OS9: variants seen among roughly 807,000 people sequenced by gnomAD.
OS9 encodes the protein OS9 endoplasmic reticulum lectin, also known as protein OS-9.
OS9 carries 58 observed loss-of-function variants against 84.7 expected under a neutral mutation model. The observed-to-expected ratio is 0.68, with a 90% confidence interval of 0.55 to 0.85. OS9 has a LOEUF of 0.85. Among genes scored for constraint, OS9 ranks in the 40% least tolerant of loss-of-function variants. OS9 has a pLI of 0.00. For missense variants in OS9, 760 were observed against 850.9 expected, an observed-to-expected ratio of 0.89 and a Z score of 1.33; for synonymous variants, 278 against 320.8, an observed-to-expected ratio of 0.87 and a Z score of 1.43.
intron 5 of OS9, among the ~76,000 whole-genome samples, chr12:57,697,748 G>A (rs1485565299): frequency 1.3e-5 from 2 of 152,016 alleles, no homozygotes; most frequent in Non-Finnish European, 2.9e-5. Flanking sequence ...GAACCAGTGG[G>A]TCTCATTGTT....
intron 5 of OS9, among the ~76,000 whole-genome samples, chr12:57,713,287 C>A (rs952682377): frequency 1.3e-5 from 2 of 152,172 alleles, no homozygotes; most frequent in Non-Finnish European, 2.9e-5. Context: ...TGTATTCTTA[C>A]GGACTGCCTC....
At chr12:57,694,368 G>T in intron 1 of OS9, 45 bp downstream of exon 1, 1 of 1,602,568 alleles carries the variant, frequency 6.2e-7, no homozygotes, top group East Asian at 2.2e-5. Context: ...AAGAGGAAGC[G>T]GGTAAGAGAT....
intron 5 of OS9, among the ~76,000 whole-genome samples, chr12:57,697,744 G>A (rs1290125567): frequency 2.0e-5 from 3 of 152,142 alleles, no homozygotes; most frequent in Non-Finnish European, 4.4e-5. Context: ...CTTCGAACCA[G>A]TGGGTCTCAT....
At chr12:57,696,108 G>C in intron 4 of OS9, 70 bp downstream of exon 4, 1 of 1,319,654 alleles carries the variant, frequency 7.6e-7, no homozygotes, top group Non-Finnish European at 1.1e-6. Flanking sequence ...AAGAAGGGGA[G>C]GGTCAAGATT....
intron 5 of OS9, among the ~76,000 whole-genome samples, chr12:57,703,971 C>T (rs1210748717): frequency 6.6e-6 from 1 of 152,162 alleles, no homozygotes; most frequent in East Asian, 1.9e-4. Context: ...TTATCAATAA[C>T]TGAAGACATT....
intron 5 of OS9, 169 bp from the exon 6 acceptor site, chr12:57,715,591 G>A (rs1015679622): frequency 7.8e-6 from 4 of 511,288 alleles, no homozygotes; most frequent in South Asian, 3.3e-5. Context: ...AACCAATATC[G>A]CCTCACTGGG....
intron 2 of OS9, chr12:57,695,533 C>A (rs1169193759): frequency 1.6e-5 from 11 of 683,768 alleles, no homozygotes; most frequent in Non-Finnish European, 2.7e-6. Flanking sequence ...TTTAAAAAAT[C>A]TTTTAAAAGG....
Position 57,717,855 on chromosome 12 carries a change from A to G in OS9, c.1046-15A>G, listed in dbSNP as rs1343167440. On this transcript the variant is annotated splice_polypyrimidine_tract_variant and intron_variant, in intron 9 of 14. Transcript: ENST00000315970. ...ACAACAGAACAGGTTCATGATTATT[A>G]TTCTTTCATCTCAGATTTTCAGAAC... 6.9e-7 allele frequency: 1 copy of G among 1,440,754 alleles called. No homozygotes were observed. The highest frequency in any genetic ancestry group is 9.6e-7 in the Non-Finnish European group (1 of 1,042,942). The allele number at this position is 1,440,754 out of a possible 1,614,324, so 89.2% of individuals were successfully genotyped here.
chr12:57,716,633 C>A (rs555901981), intron 8 of OS9, 60 bp from the exon 9 acceptor site: 32 of 1,569,226 alleles, frequency 2.0e-5, no homozygotes, highest in Admixed American at 1.5e-4. Context: ...CCTTTGCCTT[C>A]ATAGTATGGA....
Position 57,716,118 on chromosome 12 carries a change from A to G in OS9, c.817A>G (p.Ile273Val). The change falls in exon 7 of 15, where the codon ATA (isoleucine) becomes GTA (valine). Residue 273 changes from isoleucine to valine, a missense_variant. By Grantham distance (29) the Ile-to-Val change is conservative. Transcript: ENST00000315970. ...CTCAAAGCAGTATGGAGATAAAATCATAGAGGAGCTGCAAGATCTAGGCCC... is the reference window on the plus strand; with the variant it reads ...CTCAAAGCAGTATGGAGATAAAATCGTAGAGGAGCTGCAAGATCTAGGCCC... ...ADSKQYGDKI[I>V]EELQDLGPQV... The G allele has an allele frequency of 6.2e-7, 1 of 1,613,792 alleles. No homozygotes were observed. The highest frequency in any genetic ancestry group is 1.1e-5 in the South Asian group (1 of 91,078).
chr12:57,716,384 C>G, intron 7 of OS9, 28 bp from the exon 8 acceptor site: 1 of 1,519,782 alleles, frequency 6.6e-7, no homozygotes, highest in Non-Finnish European at 8.9e-7. Flanking sequence ...CCTGTCAGAT[C>G]AGTCTCTCCC....
intron 5 of OS9, among the ~76,000 whole-genome samples, chr12:57,706,899 C>T (rs1298359044): frequency 6.6e-6 from 1 of 150,764 alleles, no homozygotes; most frequent in Non-Finnish European, 1.5e-5. Context: ...TCCCCATCCC[C>T]ACAATATGCT....
chr12:57,703,447 T>C (rs1954080038), intron 5 of OS9, among the ~76,000 whole-genome samples: 1 of 152,188 alleles, frequency 6.6e-6, no homozygotes, highest in South Asian at 2.1e-4. Context: ...TTGCATATGG[T>C]CCAACTTCAT....
intron 5 of OS9, among the ~76,000 whole-genome samples, chr12:57,713,473 C>T (rs370699774): frequency 7.9e-5 from 12 of 152,256 alleles, no homozygotes; most frequent in Admixed American, 4.6e-4. Flanking sequence ...AGCAAGCTTC[C>T]GTGAGGGCAA....
chr12:57,698,917 A>G (rs1953941694), intron 5 of OS9, among the ~76,000 whole-genome samples: 1 of 152,218 alleles, frequency 6.6e-6, no homozygotes. Flanking sequence ...ATGATGACAT[A>G]TTCAGGTTTG....
At chr12:57,709,275 T>C (rs1027002554) in intron 5 of OS9, among the ~76,000 whole-genome samples, 18 of 152,234 alleles carry the variant, frequency 1.2e-4, no homozygotes, top group African/African-American at 4.3e-4. Context: ...TCAATCTGTC[T>C]TCTCTCTTAA....
At position 57,695,797 on chromosome 12, in the gene OS9, A is replaced by G. The variant is rs1433803704; in HGVS notation, c.357A>G (p.Thr119=). The change falls in exon 3 of 15, where the codon ACA becomes ACG. Residue 119 remains threonine, a synonymous_variant. Transcript: ENST00000315970. ...ATTGTCAGACAAAGGACTGGTGGAC[A>G]TATGAATTCTGTTATGGACGCCACA... ...PCLLKTKDWW[T]YEFCYGRHIQ... 2.5e-6 allele frequency: 4 copies of G among 1,609,928 alleles called. No individual in the cohort carries two copies. The highest frequency in any genetic ancestry group is 2.2e-5 in the South Asian group (2 of 91,004).
chr12:57,716,225 T>A, intron 7 of OS9, 32 bp downstream of exon 7: 1 of 1,277,328 alleles, frequency 7.8e-7, no homozygotes, highest in South Asian at 1.2e-5. Flanking sequence ...TCCGTGAAAC[T>A]CACTTCCATT....
Position 57,700,037 on chromosome 12 carries a change from G to A in OS9, c.579+3664G>A, listed in dbSNP as rs139595882. On this transcript the variant is annotated intron_variant, in intron 5 of 14. Transcript: ENST00000315970. ...TTGAACCCGGGAGGCGGAGGTCGCAGTGAGCTGATATCGCACCATTGCACT... is the reference window on the plus strand; with the variant it reads ...TTGAACCCGGGAGGCGGAGGTCGCAATGAGCTGATATCGCACCATTGCACT... Among the ~76,000 whole-genome samples the A allele has an allele frequency of 5.8e-3, 877 of 152,220 alleles. 14 individuals are homozygous for A. The highest frequency in any genetic ancestry group is 0.02 in the African/African-American group (836 of 41,514).
Sources: allele counts gnomAD v4.1 joint callset (sites outside exome capture counted in the v4.1 genomes callset), GRCh38; gene constraint gnomAD v4.1.1; transcripts MANE v1.5; gene names NCBI Gene and HGNC (gene_info 2026-07-23, HGNC 2026-07-21).